The following ARL15 variants were observed in gnomAD, a reference collection of about 807,000 sequenced individuals.
ARL15 encodes ADP-ribosylation factor-like protein 15.
ARL15 carries 19 observed loss-of-function variants against 25.2 expected under a neutral mutation model. That is an observed-to-expected ratio of 0.75 (90% CI 0.53 to 1.10). ARL15 has a LOEUF of 1.10. Among genes scored for constraint, ARL15 ranks in the 50% least tolerant of loss-of-function variants. The pLI is 0.00. For synonymous variants in ARL15, 94 were observed against 86.8 expected (o/e 1.08, Z -0.46); for missense variants, 220 against 246.0 (o/e 0.89, Z 0.71).
At chr5:53,968,799 G>T (rs546763964) in intron 4 of ARL15, among the ~76,000 whole-genome samples, 1 of 151,560 alleles carries the variant, frequency 6.6e-6, no homozygotes, top group African/African-American at 2.4e-5. Flanking sequence ...GTGAGCCACC[G>T]CTCCCGGCCC....
intron 1 of ARL15, among the ~76,000 whole-genome samples, chr5:54,208,355 A>G (rs947071845): frequency 5.9e-5 from 9 of 152,156 alleles, no homozygotes; most frequent in African/African-American, 2.2e-4. Flanking sequence ...TGGGGTATGC[A>G]GAACTATACA....
intron 1 of ARL15, among the ~76,000 whole-genome samples, chr5:54,194,614 C>G (rs1028049519): frequency 6.6e-6 from 1 of 152,088 alleles, no homozygotes; most frequent in Admixed American, 6.6e-5. Flanking sequence ...TATGAAAAAT[C>G]TAATCTCACC....
At chr5:54,120,530 T>C (rs535748874) in intron 3 of ARL15, among the ~76,000 whole-genome samples, 3 of 152,270 alleles carry the variant, frequency 2.0e-5, no homozygotes, top group East Asian at 1.9e-4. Context: ...ACTGAAAGCA[T>C]AGAAAGAAAA....
At chr5:54,202,494 A>AC (rs1290419179) in intron 1 of ARL15, among the ~76,000 whole-genome samples, 1 of 152,018 alleles carries the variant, frequency 6.6e-6, no homozygotes, top group Non-Finnish European at 1.5e-5. Flanking sequence ...AATTCAGGCG[A>AC]CCCCTAGAAG....
chr5:54,290,781 C>A (rs192430916), intron 1 of ARL15, among the ~76,000 whole-genome samples: 1 of 152,248 alleles, frequency 6.6e-6, no homozygotes, highest in East Asian at 1.9e-4. Context: ...CCATTCCCTA[C>A]GTCCCATTCG....
chr5:54,072,664 C>T (rs1249957633), intron 4 of ARL15, among the ~76,000 whole-genome samples: 1 of 152,184 alleles, frequency 6.6e-6, no homozygotes, highest in Non-Finnish European at 1.5e-5. Flanking sequence ...CAGTGCCATA[C>T]CCCATGTGAA....
intron 2 of ARL15, 144 bp downstream of exon 2, chr5:54,171,640 T>C (rs1017356099): frequency 1.7e-5 from 18 of 1,036,860 alleles, no homozygotes; most frequent in Non-Finnish European, 2.4e-5. Context: ...CAAATCTTTT[T>C]TGAAAAAGAG....
At chr5:54,039,700 G>C (rs1180412534) in intron 4 of ARL15, among the ~76,000 whole-genome samples, 2 of 150,524 alleles carry the variant, frequency 1.3e-5, no homozygotes, top group East Asian at 3.9e-4. Context: ...TACTTGGGAG[G>C]CTGAAGCAGG....
At chr5:53,993,831 C>CTA (rs3836822) in intron 4 of ARL15, among the ~76,000 whole-genome samples, 33,420 of 151,996 alleles carry the variant, frequency 0.22, 3,868 homozygotes, top group East Asian at 0.46. Context: ...CCAAGGCAGT[C>CTA]TAGTCTCAGA....
intron 4 of ARL15, among the ~76,000 whole-genome samples, chr5:53,930,585 T>G (rs558384775): frequency 1.3e-4 from 20 of 152,264 alleles, no homozygotes; most frequent in Admixed American, 3.3e-4. Context: ...TAGAGATCAT[T>G]TCAAAGCGAA....
At chr5:54,180,985 G>C (rs1755039874) in intron 1 of ARL15, among the ~76,000 whole-genome samples, 1 of 152,134 alleles carries the variant, frequency 6.6e-6, no homozygotes, top group African/African-American at 2.4e-5. Context: ...GTCTGCATCA[G>C]TCATCCCCGA....
chr5:54,020,313 AC>A (rs1332996713), intron 4 of ARL15, among the ~76,000 whole-genome samples: 3 of 151,738 alleles, frequency 2.0e-5, no homozygotes, highest in African/African-American at 7.3e-5. Context: ...TACCAAGGCC[AC>A]CCCCCTGCAG....
At chr5:54,066,100 T>C (rs965025699) in intron 4 of ARL15, among the ~76,000 whole-genome samples, 1 of 152,186 alleles carries the variant, frequency 6.6e-6, no homozygotes, top group Non-Finnish European at 1.5e-5. Context: ...TAAGATAAGA[T>C]GTTCTCAGAG....
chr5:53,935,907 C>T (rs1296353190), intron 4 of ARL15, among the ~76,000 whole-genome samples: 1 of 152,074 alleles, frequency 6.6e-6, no homozygotes, highest in East Asian at 1.9e-4. Context: ...CATCACCACA[C>T]CCAGCTAATT....
intron 1 of ARL15, among the ~76,000 whole-genome samples, chr5:54,295,880 G>T (rs1424010414): frequency 6.6e-6 from 1 of 152,194 alleles, no homozygotes; most frequent in Admixed American, 6.5e-5. Context: ...TAAATCACAT[G>T]CTCTGCTTCT....
chr5:53,937,064 G>C (rs1385108572), intron 4 of ARL15, among the ~76,000 whole-genome samples: 4 of 152,040 alleles, frequency 2.6e-5, no homozygotes, highest in Non-Finnish European at 5.9e-5. Flanking sequence ...TCCCCCAAGG[G>C]AACACAGACC....
intron 1 of ARL15, among the ~76,000 whole-genome samples, chr5:54,202,692 C>T (rs1388284429): frequency 6.6e-6 from 1 of 151,840 alleles, no homozygotes; most frequent in African/African-American, 2.4e-5. Flanking sequence ...AAGTGGGATG[C>T]CAAAAAATGA....
chr5:53,886,575 C>T lies in ARL15; in HGVS notation c.601G>A (p.Ala201Thr). ...INLLEEKDHE[A>T]VRM ...TTTGCCAGATTTCACATTCTTACAG[C>T]TTCATGGTCTTTTTCTTCTAACAAA... Residue 201 changes from alanine (A) to threonine (T), a missense_variant, in exon 5 of 5, where the codon GCT becomes ACT. Coordinates refer to ENST00000504924, the MANE Select transcript of ARL15 (RefSeq NM_019087.3). 6.4e-7 allele frequency: 1 copy of T among 1,561,338 alleles called. No individual in the cohort carries two copies. The highest frequency in any genetic ancestry group is 8.7e-7 in the Non-Finnish European group (1 of 1,151,444).
chr5:53,966,555 T>C (rs1747572858), intron 4 of ARL15, among the ~76,000 whole-genome samples: 1 of 152,110 alleles, frequency 6.6e-6, no homozygotes, highest in African/African-American at 2.4e-5. Context: ...GTTGGGACAA[T>C]CATGGGGACT....
Sources: gnomAD v4.1 joint callset for allele counts (sites outside exome capture counted in the v4.1 genomes callset) on GRCh38, gnomAD v4.1.1 for gene constraint, MANE v1.5 for transcripts, NCBI Gene and HGNC (gene_info 2026-07-23, HGNC 2026-07-21) for gene names.